The following NCAM1 variants were observed in gnomAD, a reference collection of about 807,000 sequenced individuals.
The protein encoded by NCAM1 is neural cell adhesion molecule 1.
In NCAM1, 14 loss-of-function variants were observed where a neutral mutation model predicts 109.8. The ratio of observed to expected loss-of-function variants is 0.13; its 90% CI spans 0.08 to 0.20. The LOEUF (loss-of-function observed/expected upper bound fraction) is 0.20, where lower values mean the gene tolerates loss of function less well. Ranked by LOEUF, NCAM1 falls within the 10% of genes least tolerant of loss-of-function variation. NCAM1 has a pLI of 1.00. For synonymous variants in NCAM1, 418 were observed against 442.9 expected, an observed-to-expected ratio of 0.94 and a Z score of 0.70; for missense variants, 774 against 1,109.9, an observed-to-expected ratio of 0.70 and a Z score of 4.30.
At chr11:113,149,881 T>C (rs1447992701) in intron 1 of NCAM1, among the ~76,000 whole-genome samples, 1 of 152,216 alleles carries the variant, frequency 6.6e-6, no homozygotes, top group Non-Finnish European at 1.5e-5. Context: ...ACTTCTTTTA[T>C]TGACTTTTAT....
At chr11:113,158,183 T>C (rs1374830298) in intron 1 of NCAM1, among the ~76,000 whole-genome samples, 1 of 152,194 alleles carries the variant, frequency 6.6e-6, no homozygotes, top group Non-Finnish European at 1.5e-5. Flanking sequence ...CTTATGTTGG[T>C]AGATATGAGT....
intron 1 of NCAM1, among the ~76,000 whole-genome samples, chr11:113,048,238 C>T (rs1330210481): frequency 6.6e-6 from 1 of 152,120 alleles, no homozygotes; most frequent in Non-Finnish European, 1.5e-5. Context: ...CTATCTGTTC[C>T]AAGAATGTTG....
At chr11:113,199,286 T>C (rs1314060372) in intron 1 of NCAM1, among the ~76,000 whole-genome samples, 2 of 152,108 alleles carry the variant, frequency 1.3e-5, no homozygotes, top group East Asian at 1.9e-4. Context: ...GGAATTTGTA[T>C]TGGGAACAAT....
chr11:113,029,246 A>T lies in NCAM1; in HGVS notation c.52+67582A>T, dbSNP rs140704878. Among the ~76,000 whole-genome samples the T allele has an allele frequency of 2.0e-3, 309 of 152,314 alleles. 1 individual carries two copies. The highest frequency in any genetic ancestry group is 3.6e-3 in the Non-Finnish European group (243 of 68,028). On this transcript the variant is annotated intron_variant, in intron 1 of 19. Transcript: ENST00000316851. ...ATGTGCTTCAGCAAAATAAGGGAGA[A>T]AATTAAGAAAGGAGGTGAGGAATTC...
At chr11:113,171,903 C>T (rs923411503) in intron 1 of NCAM1, among the ~76,000 whole-genome samples, 4 of 152,076 alleles carry the variant, frequency 2.6e-5, no homozygotes, top group African/African-American at 7.2e-5. Context: ...GGAATAGGAT[C>T]GGCCCTATCC....
intron 1 of NCAM1, among the ~76,000 whole-genome samples, chr11:113,176,310 G>T (rs563809518): frequency 1.3e-5 from 2 of 152,138 alleles, no homozygotes; most frequent in Non-Finnish European, 2.9e-5. Context: ...GTTCTCTGTC[G>T]CCTTTTAAAA....
At chr11:113,101,663 A>G (rs923241327) in intron 1 of NCAM1, among the ~76,000 whole-genome samples, 3 of 152,210 alleles carry the variant, frequency 2.0e-5, no homozygotes, top group Non-Finnish European at 4.4e-5. Flanking sequence ...TCTTCAGAAA[A>G]TGTGATCAAA....
intron 1 of NCAM1, among the ~76,000 whole-genome samples, chr11:113,175,468 C>T (rs1454731685): frequency 1.3e-5 from 2 of 152,152 alleles, no homozygotes; most frequent in Admixed American, 6.5e-5. Flanking sequence ...TGTAGAAAGC[C>T]CTCTTAGTTT....
At chr11:113,239,392 C>G (rs1233911545) in intron 14 of NCAM1, among the ~76,000 whole-genome samples, 1 of 152,148 alleles carries the variant, frequency 6.6e-6, no homozygotes, top group Admixed American at 6.5e-5. Context: ...CTGAGCTACC[C>G]ACCTTCATAA....
chr11:113,197,704 T>C (rs1555111095), intron 1 of NCAM1, among the ~76,000 whole-genome samples: 1 of 152,226 alleles, frequency 6.6e-6, no homozygotes, highest in Non-Finnish European at 1.5e-5. Flanking sequence ...GGAGAGACTT[T>C]GGTTCCCTGT....
chr11:113,180,318 A>G (rs569425352), intron 1 of NCAM1, among the ~76,000 whole-genome samples: 2 of 152,234 alleles, frequency 1.3e-5, no homozygotes, highest in Non-Finnish European at 2.9e-5. Flanking sequence ...GAGTGAGTTT[A>G]GCGCTACAGG....
At chr11:113,067,942 G>T (rs1185022863) in intron 1 of NCAM1, among the ~76,000 whole-genome samples, 5 of 131,456 alleles carry the variant, frequency 3.8e-5, no homozygotes, top group Non-Finnish European at 6.1e-5. Context: ...ACGGAGTCTC[G>T]CTCTGTCACC....
In NCAM1 at chr11:112,962,329, C is replaced by T. The variant is rs1950587946; in HGVS notation, c.52+665C>T. The stretch of plus-strand genomic sequence containing the variant: ...CCAAATTGCTGGTTAGTTGCAAAGC[C>T]TACCCTCGGCCGCGAGCACTGAAGG... On this transcript the variant is annotated intron_variant, in intron 1 of 19. Transcript: ENST00000316851. This position sits in a 1 kb window ranked among gnomAD's most constrained non-coding sequence, Gnocchi z 5.6. Among the ~76,000 whole-genome samples, 2 of 152,194 alleles carry T rather than the reference C, an allele frequency of 1.3e-5. No individual in the cohort carries two copies. Among genetic ancestry groups the T allele is most frequent in the South Asian group, 4.1e-4 (2 of 4,834 alleles).
intron 1 of NCAM1, among the ~76,000 whole-genome samples, chr11:113,015,540 A>C (rs1565383468): frequency 6.6e-6 from 1 of 152,130 alleles, no homozygotes. Flanking sequence ...GTTAGAGACC[A>C]GCCTGGCCAA....
rs149256024 is a variant in NCAM1 at position 113,020,841 on chromosome 11, C to T, written c.52+59177C>T. 1.2e-3 allele frequency among the ~76,000 whole-genome samples: 186 copies of T among 152,158 alleles called. 1 individual carries two copies. Among genetic ancestry groups the T allele is most frequent in the African/African-American group, 4.3e-3 (177 of 41,500 alleles). ...CGTGATTTCGGCTCACTGCAACCTC[C>T]GTCTCCCAGGTTCCAAGTGATTCTC... On this transcript the variant is annotated intron_variant, in intron 1 of 19. Coordinates refer to ENST00000316851, the MANE Select transcript of NCAM1 (RefSeq NM_181351.5).
chr11:113,109,494 TG>T (rs1414373282), intron 1 of NCAM1, among the ~76,000 whole-genome samples: 2 of 152,174 alleles, frequency 1.3e-5, no homozygotes, highest in Non-Finnish European at 2.9e-5. Context: ...TGTATTAAAA[TG>T]GAATCAAATA....
At chr11:113,040,013 C>A (rs533525795) in intron 1 of NCAM1, among the ~76,000 whole-genome samples, 2 of 152,020 alleles carry the variant, frequency 1.3e-5, no homozygotes, top group Non-Finnish European at 1.5e-5. Context: ...TGGTGGCATG[C>A]GCCTGTAGTC....
intron 1 of NCAM1, among the ~76,000 whole-genome samples, chr11:113,188,626 C>T (rs1555109289): frequency 6.6e-6 from 1 of 152,128 alleles, no homozygotes; most frequent in African/African-American, 2.4e-5. Flanking sequence ...TTATTGCACC[C>T]CATATTTAGC....
intron 17 of NCAM1, chr11:113,264,291 G>C: frequency 2.0e-6 from 2 of 985,192 alleles, no homozygotes. Context: ...CTTTCCCTTT[G>C]GGATTCCAAA....
Sources: allele counts gnomAD v4.1 joint callset (sites outside exome capture counted in the v4.1 genomes callset), GRCh38; gene constraint gnomAD v4.1.1; non-coding constraint Gnocchi (gnomAD v3.1); transcripts MANE v1.5; gene names NCBI Gene and HGNC (gene_info 2026-07-23, HGNC 2026-07-21).